Variants in PMP22 observed in about 807,000 individuals in gnomAD.
The protein encoded by PMP22 is Charcot-Marie-Tooth neuropathy 1A (greatly reduced nerve conduction velocity, hereditary motor sensory neuropathy Ia).
In PMP22, 2 loss-of-function variants were observed where a neutral mutation model predicts 18.9. The ratio of observed to expected loss-of-function variants is 0.11; its 90% CI spans 0.04 to 0.33. The LOEUF (loss-of-function observed/expected upper bound fraction) is 0.33, where lower values mean the gene tolerates loss of function less well. Ranked by LOEUF, PMP22 falls within the 10% of genes least tolerant of loss-of-function variation. The pLI is 1.00. For missense variants in PMP22, 169 were observed against 202.2 expected, an observed-to-expected ratio of 0.84 and a Z score of 1.00; for synonymous variants, 95 against 89.2, an observed-to-expected ratio of 1.07 and a Z score of -0.37.
intron 3 of PMP22, among the ~76,000 whole-genome samples, chr17:15,257,498 G>A (rs1019117669): frequency 3.3e-5 from 5 of 152,176 alleles, no homozygotes; most frequent in Admixed American, 1.3e-4. Context: ...TGCCCTTTTC[G>A]GGCTGAGTCA....
rs1909031980 is a variant in PMP22, at chr17:15,258,572, C to T, written c.178+522G>A. Among the ~76,000 whole-genome samples, 1 of 152,138 alleles carries T rather than the reference C, an allele frequency of 6.6e-6. No homozygotes were observed. The highest frequency in any genetic ancestry group is 2.4e-5 in the African/African-American group (1 of 41,428). On this transcript the variant is annotated intron_variant, in intron 3 of 4. Transcript: ENST00000312280. This position sits in a 1 kb window ranked among gnomAD's most constrained non-coding sequence, Gnocchi z 4.1. ...AAGTCCCCATCTTGCAACAAGGAAACATTCAAAGGTTTTGATGCTAGGTGG... is the reference window on the plus strand; with the variant it reads ...AAGTCCCCATCTTGCAACAAGGAAATATTCAAAGGTTTTGATGCTAGGTGG...
chr17:15,250,020 A>T (rs1282459771), intron 3 of PMP22, among the ~76,000 whole-genome samples: 1 of 152,110 alleles, frequency 6.6e-6, no homozygotes, highest in Non-Finnish European at 1.5e-5. Flanking sequence ...GGTTCACGCC[A>T]TTCTCCTGCC....
At chr17:15,253,110 G>A (rs1248187486) in intron 3 of PMP22, among the ~76,000 whole-genome samples, 2 of 152,110 alleles carry the variant, frequency 1.3e-5, no homozygotes, top group Non-Finnish European at 2.9e-5. Flanking sequence ...TCACCCATAG[G>A]GTCTTGGGGA....
chr17:15,244,984 A>G (rs577725820), intron 3 of PMP22, among the ~76,000 whole-genome samples: 1 of 152,350 alleles, frequency 6.6e-6, no homozygotes, highest in African/African-American at 2.4e-5. Context: ...CCAAAACTCA[A>G]AGGGCTAGTG....
intron 3 of PMP22, among the ~76,000 whole-genome samples, chr17:15,246,090 C>T (rs1907789692): frequency 6.6e-6 from 1 of 152,074 alleles, no homozygotes; most frequent in Non-Finnish European, 1.5e-5. Context: ...AGCACATTGG[C>T]CAGAACTCCA....
chr17:15,248,220 A>G lies in PMP22; in HGVS notation c.179-8609T>C, dbSNP rs941537937. Among the ~76,000 whole-genome samples the G allele has an allele frequency of 3.3e-5, 5 of 152,338 alleles. No homozygotes were observed. The East Asian group carries it at 9.7e-4, about 29-fold the overall frequency. On this transcript the variant is annotated intron_variant, in intron 3 of 4. Coordinates refer to ENST00000312280, the MANE Select transcript of PMP22 (RefSeq NM_000304.4). ...TTTGCCTATGATTCATGCGGAAAGC[A>G]AAACAGATGGAGACAACTATGTGCC...
chr17:15,259,370 G>T (rs1178626992), intron 2 of PMP22, among the ~76,000 whole-genome samples, 177 bp from the exon 3 acceptor site: 3 of 152,172 alleles, frequency 2.0e-5, no homozygotes, highest in Non-Finnish European at 4.4e-5. Flanking sequence ...AAATGGAGAA[G>T]TTCCACATGC....
chr17:15,260,880 G>A (rs1206770381), intron 1 of PMP22, 119 bp from the exon 2 acceptor site: 1 of 687,414 alleles, frequency 1.5e-6, no homozygotes, highest in South Asian at 1.8e-5. Flanking sequence ...CCCGCAGCCC[G>A]ACCGCCCGCG....
chr17:15,239,119 C>A (rs181269818), intron 4 of PMP22, among the ~76,000 whole-genome samples: 2 of 152,314 alleles, frequency 1.3e-5, no homozygotes, highest in African/African-American at 4.8e-5. Context: ...TCAAGCCTGA[C>A]CTTTGCTCTA....
rs755300278 is a variant in PMP22, at chr17:15,260,707, A to G, written c.21T>C (p.Ser7=). The G allele has an allele frequency of 4.5e-6, 7 of 1,553,538 alleles. No individual in the cohort carries two copies. In the Admixed American group the frequency reaches 9.8e-5, roughly 22 times the overall value. The change falls in exon 2 of 5, where the codon AGT becomes AGC. Residue 7 remains serine (S), a synonymous_variant. Transcript: ENST00000312280. MLLLLL[S]IIVLHVAVLV... is the part of the protein sequence containing the mutation. ...GCACCGCGACGTGGAGGACGATGAT[A>G]CTCAGCAACAGGAGGAGCATTCTGG...
At position 15,260,660 on chromosome 17, in the gene PMP22, G is replaced by C. The variant is rs906563423; in HGVS notation, c.68C>G (p.Thr23Arg). 1 of 1,552,364 alleles carries C rather than the reference G, an allele frequency of 6.4e-7. No individual in the cohort carries two copies. Residue 23 changes from threonine to arginine, a missense_variant, in exon 2 of 5, where the codon ACG becomes AGG. Thr to Arg is a moderately conservative substitution (Grantham distance 71). Coordinates refer to ENST00000312280, the MANE Select transcript of PMP22 (RefSeq NM_000304.4). ...VAVLVLLFVS[T>R]IVSQWIVGNG... ...CCGCCAGGCACTCACGCTGACGATC[G>C]TGGAGACGAACAGCAGCACCAGCAC...
chr17:15,259,018 G>A, intron 3 of PMP22, 76 bp downstream of exon 3: 1 of 1,072,616 alleles, frequency 9.3e-7, no homozygotes, highest in Non-Finnish European at 1.4e-6. Context: ...CTTCCAATAA[G>A]CGTTTCCAGC....
chr17:15,259,463 T>C (rs984038209), intron 2 of PMP22, among the ~76,000 whole-genome samples: 1 of 152,068 alleles, frequency 6.6e-6, no homozygotes, highest in Non-Finnish European at 1.5e-5. Flanking sequence ...ATTCAAGCCT[T>C]CTCTCCTCCC....
At chr17:15,264,234 A>AGG (rs1567721998) in intron 1 of PMP22, among the ~76,000 whole-genome samples, 29 of 42,684 alleles carry the variant, frequency 6.8e-4, no homozygotes, top group Non-Finnish European at 1.1e-3. Context: ...AGGTAGGTAG[A>AGG]TAGATAGATA....
intron 2 of PMP22, chr17:15,260,203 A>C (rs2150709276): frequency 3.9e-6 from 1 of 258,814 alleles, no homozygotes; most frequent in Non-Finnish European, 7.6e-6. Context: ...GGACCTGTGA[A>C]CTCTTTTCCA....
chr17:15,260,879 C>G (rs939387617), intron 1 of PMP22, 118 bp from the exon 2 acceptor site: 2 of 687,930 alleles, frequency 2.9e-6, no homozygotes, highest in South Asian at 1.8e-5. Flanking sequence ...GCCCGCAGCC[C>G]GACCGCCCGC....
chr17:15,251,048 T>G (rs546295345), intron 3 of PMP22, among the ~76,000 whole-genome samples: 8 of 152,314 alleles, frequency 5.3e-5, no homozygotes, highest in African/African-American at 1.7e-4. Context: ...TACCACAGCC[T>G]GTGAGGCACC....
chr17:15,231,130 GGC>G, intron 4 of PMP22, 50 bp from the exon 5 acceptor site: 4 of 1,588,792 alleles, frequency 2.5e-6, no homozygotes, highest in Non-Finnish European at 3.4e-6. Flanking sequence ...ATGGCAGAGC[GGC>G]CCCCTCTCCG....
rs1909302970 is a variant in PMP22 at position 15,261,087 on chromosome 17, C to G, written c.-34-326G>C. The G allele has an allele frequency of 1.8e-5, 3 of 169,778 alleles. No homozygotes were observed. Among genetic ancestry groups the G allele is most frequent in the Non-Finnish European group, 2.5e-5 (2 of 81,338 alleles). 10.5% of individuals were successfully genotyped at this position (169,778 alleles called of 1,614,324 possible). ...TTCCAGAAAATATGAGCAGAGGCCA[C>G]TGCACGCTTCCACCCACCCCAAGCA... On this transcript the variant is annotated intron_variant, in intron 1 of 4. Transcript: ENST00000312280. The surrounding 1 kb of genome is among the most constrained non-coding windows in gnomAD (Gnocchi z 5.2).
Sources: allele counts gnomAD v4.1 joint callset (sites outside exome capture counted in the v4.1 genomes callset), GRCh38; gene constraint gnomAD v4.1.1; non-coding constraint Gnocchi (gnomAD v3.1); transcripts MANE v1.5; gene names NCBI Gene and HGNC (gene_info 2026-07-23, HGNC 2026-07-21).